The following PCTP variants were observed in gnomAD, a reference collection of about 807,000 sequenced individuals.
PCTP encodes the protein START domain-containing protein 2.
PCTP carries 27 observed loss-of-function variants against 31.0 expected under a neutral mutation model. The observed-to-expected ratio is 0.87, with a 90% CI of 0.64 to 1.20. The LOEUF (loss-of-function observed/expected upper bound fraction) is 1.20, where lower values mean the gene tolerates loss of function less well. Ranked by LOEUF, PCTP falls within the 50% of genes most tolerant of loss-of-function variation. The pLI, the probability that PCTP is intolerant of heterozygous loss-of-function variation, is 0.00. For synonymous variants in PCTP, 108 were observed against 101.2 expected (o/e 1.07, Z -0.40); for missense variants, 287 against 268.2 (o/e 1.07, Z -0.49).
intron 1 of PCTP, among the ~76,000 whole-genome samples, chr17:55,760,867 C>T (rs1446757009): frequency 6.6e-6 from 1 of 152,168 alleles, no homozygotes; most frequent in Non-Finnish European, 1.5e-5. Context: ...CAGGCTTTGC[C>T]ACCAACAGCG....
At chr17:55,772,318 TG>T (rs760229167) in intron 3 of PCTP, among the ~76,000 whole-genome samples, 1 of 151,928 alleles carries the variant, frequency 6.6e-6, no homozygotes, top group Non-Finnish European at 1.5e-5. Context: ...TGAACGCGGG[TG>T]GCTCACGCCT....
At chr17:55,820,414 C>T (rs947837406) in intron 3 of PCTP, among the ~76,000 whole-genome samples, 6 of 152,170 alleles carry the variant, frequency 3.9e-5, no homozygotes, top group African/African-American at 1.4e-4. Flanking sequence ...GTGAGAGCTG[C>T]TCTGGGCTTC....
intron 1 of PCTP, among the ~76,000 whole-genome samples, chr17:55,766,252 G>A (rs1910644602): frequency 1.3e-5 from 2 of 150,006 alleles, no homozygotes; most frequent in South Asian, 4.3e-4. Context: ...GTCATCAGCT[G>A]CTTTTCTTTT....
chr17:55,772,441 T>A (rs191239943), intron 3 of PCTP, among the ~76,000 whole-genome samples: 1 of 151,646 alleles, frequency 6.6e-6, no homozygotes, highest in East Asian at 1.9e-4. Flanking sequence ...ACAAAAAAAT[T>A]TAGCTGGGTG....
At chr17:55,797,409 A>T (rs1598003975) in intron 3 of PCTP, among the ~76,000 whole-genome samples, 1 of 152,142 alleles carries the variant, frequency 6.6e-6, no homozygotes, top group South Asian at 2.1e-4. Context: ...GAGCTCATAC[A>T]TTCTCATGGG....
chr17:55,778,203 C>T (rs1436373220), downstream of PCTP, among the ~76,000 whole-genome samples: 1 of 125,710 alleles, frequency 8.0e-6, no homozygotes, highest in East Asian at 2.2e-4. Context: ...ATAGTAAGTG[C>T]CAAAGTCAAA....
intron 3 of PCTP, among the ~76,000 whole-genome samples, chr17:55,798,752 A>G (rs1297105589): frequency 6.6e-6 from 1 of 151,968 alleles, no homozygotes; most frequent in Non-Finnish European, 1.5e-5. Context: ...TGTATAGAAG[A>G]ACAATGATTC....
intron 3 of PCTP, among the ~76,000 whole-genome samples, chr17:55,797,577 C>T (rs1912225964): frequency 6.6e-6 from 1 of 151,702 alleles, no homozygotes; most frequent in South Asian, 2.1e-4. Context: ...AATCATGTGC[C>T]CTAGGTGGCT....
chr17:55,808,929 GGC>G (rs1300339123), intron 3 of PCTP, among the ~76,000 whole-genome samples: 1 of 152,130 alleles, frequency 6.6e-6, no homozygotes, highest in Admixed American at 6.5e-5. Flanking sequence ...ATCCCGTATT[GGC>G]CAGCTACTCT....
intron 3 of PCTP, among the ~76,000 whole-genome samples, chr17:55,792,615 G>A (rs1009046943): frequency 2.0e-5 from 3 of 152,054 alleles, no homozygotes; most frequent in Non-Finnish European, 2.9e-5. Context: ...GAGATAATTC[G>A]TGGATACCTG....
downstream of PCTP, among the ~76,000 whole-genome samples, chr17:55,780,404 T>C (rs1266450023): frequency 6.6e-6 from 1 of 152,226 alleles, no homozygotes; most frequent in African/African-American, 2.4e-5. Flanking sequence ...GCAGTGACTT[T>C]AGAATTAGTA....
At chr17:55,852,461 G>T in the PCTP span, among the ~76,000 whole-genome samples, 1 of 152,154 alleles carries the variant, frequency 6.6e-6, no homozygotes, top group Non-Finnish European at 1.5e-5. Flanking sequence ...AGAACTGCAA[G>T]ATCTCATAAC....
intron 5 of PCTP, among the ~76,000 whole-genome samples, chr17:55,829,626 G>A (rs1905527365): frequency 1.3e-5 from 2 of 151,842 alleles, no homozygotes; most frequent in Non-Finnish European, 2.9e-5. Context: ...GTGTGATCTT[G>A]ACCAATCTTT....
In PCTP at chr17:55,771,111, T is replaced by C; in HGVS notation, c.265T>C (p.Tyr89His). 2.5e-6 allele frequency: 4 copies of C among 1,612,654 alleles called. No individual in the cohort carries two copies. The highest frequency in any genetic ancestry group is 3.4e-6 in the Non-Finnish European group (4 of 1,178,700). ...KQWDQYVKEL[Y>H]EQECNGETVV... ...CTTCTTTTGCTTTCCTTTAGAACTC[T>C]ATGAACAAGAATGCAACGGAGAGAC... Residue 89 changes from tyrosine (Y) to histidine (H), a missense_variant, in exon 3 of 6, where the codon TAT becomes CAT. By Grantham distance (83) the Tyr-to-His change is moderately conservative (BLOSUM62 2). Transcript: ENST00000268896.
intron 1 of PCTP, among the ~76,000 whole-genome samples, chr17:55,756,723 G>C (rs1204472006): frequency 1.6e-4 from 25 of 151,660 alleles, no homozygotes; most frequent in Admixed American, 1.6e-3. Context: ...GAATGTGTGT[G>C]TGTGTGTGTG....
intron 1 of PCTP, among the ~76,000 whole-genome samples, chr17:55,756,212 T>C (rs1796318891): frequency 6.6e-6 from 1 of 152,234 alleles, no homozygotes; most frequent in Admixed American, 6.5e-5. Context: ...GCTGCTTCAA[T>C]GAATGAGCTT....
chr17:55,799,975 A>G (rs1424351413), intron 3 of PCTP, among the ~76,000 whole-genome samples: 1 of 152,072 alleles, frequency 6.6e-6, no homozygotes, highest in African/African-American at 2.4e-5. Context: ...TTTGTGGGTA[A>G]CCTAAACTTT....
intron 1 of PCTP, among the ~76,000 whole-genome samples, chr17:55,758,584 GA>G (rs1319837584): frequency 1.3e-5 from 2 of 152,174 alleles, no homozygotes; most frequent in African/African-American, 4.8e-5. Context: ...TTACCAGCGT[GA>G]TTGATAGAAT....
downstream of PCTP, among the ~76,000 whole-genome samples, chr17:55,843,748 A>G (rs1282524402): frequency 6.6e-6 from 1 of 152,182 alleles, no homozygotes; most frequent in Admixed American, 6.5e-5. Context: ...TGAGAGTAAA[A>G]TTGAAATGAT....
Sources: allele counts gnomAD v4.1 joint callset (sites outside exome capture counted in the v4.1 genomes callset), GRCh38; gene constraint gnomAD v4.1.1; transcripts MANE v1.5; gene names NCBI Gene and HGNC (gene_info 2026-07-23, HGNC 2026-07-21).